Variants in RORA observed in about 807,000 individuals in gnomAD.
RORA encodes RAR related orphan receptor A.
In RORA, 7 loss-of-function variants were observed where a neutral mutation model predicts 69.5. That is an observed-to-expected ratio of 0.10 (90% confidence interval 0.06 to 0.19). RORA has a LOEUF of 0.19. Among genes scored for constraint, RORA ranks in the 10% least tolerant of loss-of-function variants. The pLI is 1.00. For synonymous variants in RORA, 261 were observed against 240.8 expected, an observed-to-expected ratio of 1.08 and a Z score of -0.78; for missense variants, 457 against 663.0, an observed-to-expected ratio of 0.69 and a Z score of 3.41.
At chr15:60,755,128 TC>T (rs1326042712) in intron 1 of RORA, among the ~76,000 whole-genome samples, 3 of 92,064 alleles carry the variant, frequency 3.3e-5, no homozygotes, top group Non-Finnish European at 6.4e-5. Flanking sequence ...ATGCTATCCC[TC>T]CCCCCTCCCC....
intron 1 of RORA, among the ~76,000 whole-genome samples, chr15:60,807,478 A>G (rs576093760): frequency 1.3e-5 from 2 of 152,236 alleles, no homozygotes; most frequent in East Asian, 3.8e-4. Context: ...TAGAATCGAC[A>G]TTGTGAAAAT....
intron 1 of RORA, among the ~76,000 whole-genome samples, chr15:60,947,688 TAAAAAAAAAA>T (rs35887206): frequency 2.9e-5 from 3 of 102,930 alleles, no homozygotes; most frequent in Middle Eastern, 6.0e-3. Flanking sequence ...GAATGATCAA[TAAAAAAAAAA>T]AAAAAAAAAA....
intron 1 of RORA, among the ~76,000 whole-genome samples, chr15:60,754,995 T>A (rs972624627): frequency 2.7e-5 from 4 of 148,498 alleles, no homozygotes; most frequent in African/African-American, 1.0e-4. Flanking sequence ...TTTTTTTTTT[T>A]ATATATACTT....
At chr15:60,991,325 C>T (rs747225901) in intron 1 of RORA, among the ~76,000 whole-genome samples, 1 of 152,084 alleles carries the variant, frequency 6.6e-6, no homozygotes, top group African/African-American at 2.4e-5. Flanking sequence ...TAAAGACCGT[C>T]GGATTTACTT....
chr15:61,120,032 G>A (rs539639117), intron 1 of RORA, among the ~76,000 whole-genome samples: 289 of 152,264 alleles, frequency 1.9e-3, no homozygotes, highest in African/African-American at 6.6e-3. Flanking sequence ...CACACAGTAC[G>A]TTTTGAAGAC....
At chr15:60,786,561 A>G (rs973597886) in intron 1 of RORA, among the ~76,000 whole-genome samples, 2 of 152,140 alleles carry the variant, frequency 1.3e-5, no homozygotes, top group Non-Finnish European at 2.9e-5. Context: ...AAGGACACCA[A>G]CCTTCTGCCA....
intron 1 of RORA, among the ~76,000 whole-genome samples, chr15:60,865,529 A>G (rs2073478020): frequency 6.6e-6 from 1 of 152,228 alleles, no homozygotes; most frequent in African/African-American, 2.4e-5. Flanking sequence ...CAGAACCTCA[A>G]TGCCCTGCTG....
intron 5 of RORA, among the ~76,000 whole-genome samples, chr15:60,509,901 T>G (rs2141310853): frequency 6.6e-6 from 1 of 152,298 alleles, no homozygotes; most frequent in South Asian, 2.1e-4. Context: ...TGTTCAGTGG[T>G]TAAAGACCAG....
At chr15:60,706,775 G>A (rs947482413) in intron 1 of RORA, among the ~76,000 whole-genome samples, 3 of 152,170 alleles carry the variant, frequency 2.0e-5, no homozygotes, top group Non-Finnish European at 4.4e-5. Context: ...AATAAAAGCC[G>A]AAGTAGCACT....
chr15:60,656,499 C>G (rs926589768), intron 2 of RORA, among the ~76,000 whole-genome samples: 1 of 145,522 alleles, frequency 6.9e-6, no homozygotes, highest in African/African-American at 2.6e-5. Flanking sequence ...ATCTTTAAGT[C>G]ATTGAACCCT....
At chr15:60,667,199 T>G (rs1483282737) in intron 2 of RORA, among the ~76,000 whole-genome samples, 1 of 152,192 alleles carries the variant, frequency 6.6e-6, no homozygotes, top group South Asian at 2.1e-4. Flanking sequence ...TCGTCCCTCT[T>G]ACTGTTGGTG....
At chr15:60,715,295 G>A (rs544429819) in intron 1 of RORA, among the ~76,000 whole-genome samples, 213 of 152,306 alleles carry the variant, frequency 1.4e-3, no homozygotes, top group African/African-American at 5.0e-3. Flanking sequence ...GAATCTTAGT[G>A]GTGGAAGTTC....
intron 1 of RORA, among the ~76,000 whole-genome samples, chr15:60,954,239 C>G (rs905117843): frequency 8.3e-5 from 11 of 131,920 alleles, no homozygotes; most frequent in African/African-American, 2.9e-4. Flanking sequence ...GGGAATTGAA[C>G]AATGAGATCA....
chr15:60,874,261 A>C (rs942214959), intron 1 of RORA, among the ~76,000 whole-genome samples: 20 of 152,232 alleles, frequency 1.3e-4, no homozygotes, highest in African/African-American at 4.6e-4. Context: ...TTGAGGGTAT[A>C]GTTGAAGTTA....
chr15:61,163,065 C>G (rs1567018141), intron 1 of RORA, among the ~76,000 whole-genome samples: 1 of 152,178 alleles, frequency 6.6e-6, no homozygotes, highest in Non-Finnish European at 1.5e-5. Context: ...GCAAGAGAAA[C>G]ACACTTAACT....
Position 60,497,329 on chromosome 15 carries a change from C to G in RORA, c.*126G>C. 1 of 713,582 alleles carries G rather than the reference C, an allele frequency of 1.4e-6. No individual in the cohort carries two copies. The highest frequency in any genetic ancestry group is 2.2e-5 in the South Asian group (1 of 45,736). 44.2% of individuals were successfully genotyped at this position (713,582 alleles called of 1,614,324 possible). ...CCCCTCCTTTGCCTGACCCCGATCACCAAAAGATGTGCAGTGTGTGGCGCT... is the reference window on the plus strand; with the variant it reads ...CCCCTCCTTTGCCTGACCCCGATCAGCAAAAGATGTGCAGTGTGTGGCGCT... On this transcript the variant is annotated 3_prime_UTR_variant, in exon 11 of 11. Transcript: ENST00000335670.
At chr15:60,934,392 A>T (rs981385194) in intron 1 of RORA, among the ~76,000 whole-genome samples, 1 of 152,214 alleles carries the variant, frequency 6.6e-6, no homozygotes, top group African/African-American at 2.4e-5. Context: ...AAAAAGAAAA[A>T]AAAACAAAAA....
At chr15:60,720,312 C>G (rs1204431884) in intron 1 of RORA, among the ~76,000 whole-genome samples, 1 of 152,144 alleles carries the variant, frequency 6.6e-6, no homozygotes, top group Non-Finnish European at 1.5e-5. Context: ...AGTCCTCGCC[C>G]TGACGGCAAG....
intron 1 of RORA, among the ~76,000 whole-genome samples, chr15:60,857,554 T>C (rs1792467684): frequency 6.6e-6 from 1 of 151,958 alleles, no homozygotes; most frequent in South Asian, 2.1e-4. Flanking sequence ...CCTACTCCTT[T>C]CCCATACAAA....
Sources: gnomAD v4.1 joint callset for allele counts (sites outside exome capture counted in the v4.1 genomes callset) on GRCh38, gnomAD v4.1.1 for gene constraint, MANE v1.5 for transcripts, NCBI Gene and HGNC (gene_info 2026-07-23, HGNC 2026-07-21) for gene names.